Variants in KIAA1217 observed in about 807,000 individuals in gnomAD.
KIAA1217 encodes the protein KIAA1217.
KIAA1217 carries 88 observed loss-of-function variants against 163.9 expected under a neutral mutation model. That is an observed-to-expected ratio of 0.54 (90% confidence interval 0.45 to 0.64). The LOEUF is 0.64. Among genes scored for constraint, KIAA1217 ranks in the 30% least tolerant of loss-of-function variants. KIAA1217 has a pLI of 0.00. For synonymous variants in KIAA1217, 903 were observed against 923.1 expected, an observed-to-expected ratio of 0.98 and a Z score of 0.39; for missense variants, 2,372 against 2,475.0, an observed-to-expected ratio of 0.96 and a Z score of 0.88.
chr10:23,770,872 C>T (rs1834764892), intron 1 of KIAA1217, among the ~76,000 whole-genome samples: 1 of 152,146 alleles, frequency 6.6e-6, no homozygotes, highest in Non-Finnish European at 1.5e-5. Context: ...ATATTTATGG[C>T]TTGCAGTATT....
intron 1 of KIAA1217, among the ~76,000 whole-genome samples, chr10:23,825,543 T>C (rs1480900028): frequency 6.6e-6 from 1 of 152,212 alleles, no homozygotes; most frequent in African/African-American, 2.4e-5. Flanking sequence ...ATTTTGGTTA[T>C]TAAACCACAT....
chr10:24,101,679 T>C (rs536815187), intron 2 of KIAA1217, among the ~76,000 whole-genome samples: 35 of 152,326 alleles, frequency 2.3e-4, no homozygotes, highest in African/African-American at 8.2e-4. Flanking sequence ...CTATATGAAA[T>C]TGACATTGTT....
At chr10:24,168,363 T>A (rs1047695781) in intron 2 of KIAA1217, among the ~76,000 whole-genome samples, 3 of 152,166 alleles carry the variant, frequency 2.0e-5, no homozygotes, top group Admixed American at 6.6e-5. Context: ...TGTCTAAGCA[T>A]GCACAATTAG....
At chr10:23,799,079 G>T (rs529421599) in intron 1 of KIAA1217, among the ~76,000 whole-genome samples, 1 of 152,182 alleles carries the variant, frequency 6.6e-6, no homozygotes, top group South Asian at 2.1e-4. Context: ...GTGTTCCTTG[G>T]CTTGTACATG....
At chr10:24,407,016 T>C (rs1373298823) in intron 3 of KIAA1217, among the ~76,000 whole-genome samples, 1 of 152,144 alleles carries the variant, frequency 6.6e-6, no homozygotes, top group Non-Finnish European at 1.5e-5. Context: ...AACATTCTGA[T>C]CCCAGAACTA....
intron 2 of KIAA1217, among the ~76,000 whole-genome samples, chr10:24,137,419 G>A (rs1375098466): frequency 1.3e-5 from 2 of 152,192 alleles, no homozygotes; most frequent in East Asian, 1.9e-4. Flanking sequence ...GGTGATCAGA[G>A]CAGAGATTGA....
chr10:24,385,696 G>T (rs554451701), intron 3 of KIAA1217, among the ~76,000 whole-genome samples: 1 of 152,120 alleles, frequency 6.6e-6, no homozygotes, highest in Non-Finnish European at 1.5e-5. Context: ...CTCATCCAGA[G>T]CCCAGCTGAA....
chr10:24,118,706 C>CTT (rs72027993), intron 2 of KIAA1217, among the ~76,000 whole-genome samples: 63 of 144,770 alleles, frequency 4.4e-4, no homozygotes, highest in South Asian at 1.1e-3. Flanking sequence ...CCTGGATTTG[C>CTT]TTTTTTTTTT....
At chr10:23,864,242 C>T (rs566107285) in intron 1 of KIAA1217, among the ~76,000 whole-genome samples, 34 of 151,940 alleles carry the variant, frequency 2.2e-4, no homozygotes, top group South Asian at 1.2e-3. Flanking sequence ...TTATTGTGCC[C>T]TGAAATGAAC....
rs981778947 is a variant in KIAA1217 at position 23,790,075 on chromosome 10, A to T, written c.-321+94841A>T. Among the ~76,000 whole-genome samples the T allele has an allele frequency of 7.8e-4, 88 of 112,674 alleles. 2 individuals carry two copies. The highest frequency in any genetic ancestry group is 3.1e-3 in the African/African-American group (81 of 26,014). 73.9% of individuals were successfully genotyped at this position (112,674 alleles called of 152,430 possible). A position where few individuals can be genotyped will look rare whatever the true frequency, so the allele number is the denominator to read the frequency against. ...TACACATATACACATATGCATATAC[A>T]CATATACACATATGCATATACACAT... On this transcript the variant is annotated intron_variant, in intron 1 of 18. Transcript: ENST00000376462.
intron 11 of KIAA1217, among the ~76,000 whole-genome samples, chr10:24,520,748 A>G (rs1467086298): frequency 2.1e-5 from 3 of 145,760 alleles, no homozygotes; most frequent in Non-Finnish European, 4.5e-5. Context: ...TAGGAGGCTG[A>G]GGTGGTAGGA....
chr10:24,501,729 C>CTTTTTTTTTTT (rs71397953), intron 9 of KIAA1217, among the ~76,000 whole-genome samples, 184 bp downstream of exon 9: 3 of 51,472 alleles, frequency 5.8e-5, no homozygotes, highest in Non-Finnish European at 1.1e-4. Context: ...ATAACCACTT[C>CTTTTTTTTTTT]TTTTTTTTTT....
intron 1 of KIAA1217, among the ~76,000 whole-genome samples, chr10:23,842,251 A>G (rs1295123017): frequency 1.3e-5 from 2 of 152,148 alleles, no homozygotes; most frequent in Non-Finnish European, 2.9e-5. Context: ...TCTACAAGAT[A>G]GGGGAATAAA....
At chr10:24,195,913 G>C (rs1434639629) in intron 2 of KIAA1217, among the ~76,000 whole-genome samples, 1 of 152,212 alleles carries the variant, frequency 6.6e-6, no homozygotes, top group African/African-American at 2.4e-5. Context: ...AGGATCGCTT[G>C]AGGCCAGCAG....
chr10:24,040,468 A>G (rs556186459), intron 2 of KIAA1217, among the ~76,000 whole-genome samples: 3 of 152,366 alleles, frequency 2.0e-5, no homozygotes, highest in African/African-American at 7.2e-5. Flanking sequence ...GTTCTTGGGC[A>G]GACATAAAAG....
intron 1 of KIAA1217, among the ~76,000 whole-genome samples, chr10:23,796,216 TTC>T (rs1836195103): frequency 6.6e-6 from 1 of 152,152 alleles, no homozygotes. Context: ...GATGTCTGGG[TTC>T]TGAGAGTCTT....
intron 3 of KIAA1217, among the ~76,000 whole-genome samples, chr10:24,397,540 A>G (rs2055965065): frequency 6.6e-6 from 1 of 152,172 alleles, no homozygotes; most frequent in African/African-American, 2.4e-5. Context: ...GAACCTACAT[A>G]CTTAACCACT....
chr10:24,126,612 G>T (rs1460477296), intron 2 of KIAA1217, among the ~76,000 whole-genome samples: 1 of 152,068 alleles, frequency 6.6e-6, no homozygotes, highest in Non-Finnish European at 1.5e-5. Flanking sequence ...GATATAGCTA[G>T]CCCTTCAGAG....
chr10:24,000,208 T>G (rs1417306980), intron 1 of KIAA1217, among the ~76,000 whole-genome samples: 1 of 152,238 alleles, frequency 6.6e-6, no homozygotes, highest in Non-Finnish European at 1.5e-5. Context: ...ATGGTTTGGT[T>G]GTGTCCCCAC....
Sources: gnomAD v4.1 joint callset for allele counts (sites outside exome capture counted in the v4.1 genomes callset) on GRCh38, gnomAD v4.1.1 for gene constraint, MANE v1.5 for transcripts, NCBI Gene and HGNC (gene_info 2026-07-23, HGNC 2026-07-21) for gene names.